ITPR2: variants seen among roughly 807,000 people sequenced by gnomAD.
ITPR2 encodes the protein inositol 1,4,5-trisphosphate receptor type 2.
A neutral mutation model predicts 317.1 loss-of-function variants in ITPR2; 207 were observed. That is an observed-to-expected ratio of 0.65 (90% CI 0.58 to 0.73). The LOEUF is 0.73. ITPR2 is among the 30% of genes least tolerant of loss of function. The pLI is 0.00. For missense variants in ITPR2, 2,613 were observed against 3,284.0 expected, an observed-to-expected ratio of 0.80 and a Z score of 4.99; for synonymous variants, 1,156 against 1,149.1, an observed-to-expected ratio of 1.01 and a Z score of -0.12.
intron 1 of ITPR2, among the ~76,000 whole-genome samples, chr12:26,811,036 C>CAAAA (rs79796097): frequency 3.7e-5 from 4 of 108,310 alleles, no homozygotes; most frequent in African/African-American, 1.2e-4. Context: ...TTTTAAGTTA[C>CAAAA]AAAAAAAAAA....
At chr12:26,792,597 T>A (rs890248802) in intron 1 of ITPR2, among the ~76,000 whole-genome samples, 1 of 152,070 alleles carries the variant, frequency 6.6e-6, no homozygotes, top group Non-Finnish European at 1.5e-5. Flanking sequence ...AGTCTTCCAA[T>A]AAATTTTAAG....
intron 2 of ITPR2, among the ~76,000 whole-genome samples, chr12:26,766,067 C>T (rs1358132107): frequency 2.6e-5 from 4 of 152,100 alleles, no homozygotes; most frequent in South Asian, 4.1e-4. Flanking sequence ...TGGGTTGTTT[C>T]CACTTCGAGC....
intron 11 of ITPR2, among the ~76,000 whole-genome samples, chr12:26,684,417 A>C (rs553606593): frequency 2.6e-4 from 39 of 152,238 alleles, no homozygotes; most frequent in Non-Finnish European, 5.6e-4. Context: ...TCTAATTTAC[A>C]GTCAGCTTGA....
At chr12:26,516,647 T>C (rs79958559) in intron 37 of ITPR2, among the ~76,000 whole-genome samples, 1 of 152,258 alleles carries the variant, frequency 6.6e-6, no homozygotes, top group Non-Finnish European at 1.5e-5. Context: ...CTTTTTAACA[T>C]GATGAAATCA....
rs551561912 is a variant in ITPR2 at position 26,663,957 on chromosome 12, TTAGAG to T, written c.1552-116_1552-112del. 162 of 1,021,710 alleles carry T rather than the reference TTAGAG, an allele frequency of 1.6e-4. No homozygotes were observed. The African/African-American group carries it at 2.1e-3, about 13-fold the overall frequency. 63.3% of individuals were successfully genotyped at this position (1,021,710 alleles called of 1,614,324 possible). On this transcript the variant is annotated intron_variant, in intron 14 of 56. Transcript: ENST00000381340. ...AAAAACACTTATATAAATTTGAGTATTAGAGTAAACGGGAAAAACAAAAGGATTTA... is the reference window on the plus strand; with the variant it reads ...AAAAACACTTATATAAATTTGAGTATTAAACGGGAAAAACAAAAGGATTTA...
At chr12:26,466,828 C>T (rs940892200) in intron 45 of ITPR2, among the ~76,000 whole-genome samples, 1 of 152,126 alleles carries the variant, frequency 6.6e-6, no homozygotes, top group African/African-American at 2.4e-5. Context: ...AACATTCTAG[C>T]CAACATATTA....
intron 45 of ITPR2, among the ~76,000 whole-genome samples, chr12:26,471,603 AG>A (rs1240590291): frequency 2.0e-5 from 3 of 152,188 alleles, no homozygotes; most frequent in Non-Finnish European, 4.4e-5. Flanking sequence ...ACCACAGGAA[AG>A]GCCAAAAGAG....
At chr12:26,707,478 C>T (rs1225190515) in intron 9 of ITPR2, among the ~76,000 whole-genome samples, 3 of 152,278 alleles carry the variant, frequency 2.0e-5, no homozygotes, top group Non-Finnish European at 2.9e-5. Context: ...AGAGAACCCC[C>T]GTCCTACTTG....
In ITPR2 at chr12:26,346,917, A is replaced by T. The variant is rs549723306; in HGVS notation, c.7858-6589T>A. Among the ~76,000 whole-genome samples, 12 of 152,290 alleles carry T rather than the reference A, an allele frequency of 7.9e-5. No homozygotes were observed. The South Asian group carries it at 2.5e-3, about 32-fold the overall frequency. ...TGAGCTATGATGTAAAGACAGCTTA[A>T]AAAAACAAATTGTTGAGAGAAGATT... is the stretch of plus-strand genomic sequence containing the variant. On this transcript the variant is annotated intron_variant, in intron 55 of 56. Coordinates refer to ENST00000381340, the MANE Select transcript of ITPR2 (RefSeq NM_002223.4).
chr12:26,829,292 C>A (rs950089960), intron 1 of ITPR2, among the ~76,000 whole-genome samples: 10 of 152,010 alleles, frequency 6.6e-5, no homozygotes, highest in Admixed American at 2.0e-4. Context: ...TATTTTTATG[C>A]ATCATAAAAA....
intron 13 of ITPR2, among the ~76,000 whole-genome samples, chr12:26,681,261 T>C (rs1054114444): frequency 6.6e-6 from 1 of 152,222 alleles, no homozygotes; most frequent in Non-Finnish European, 1.5e-5. Context: ...ATTTGAAGGA[T>C]TACATAAAAT....
chr12:26,696,654 T>C (rs913552473), intron 9 of ITPR2, among the ~76,000 whole-genome samples: 1 of 152,168 alleles, frequency 6.6e-6, no homozygotes, highest in Non-Finnish European at 1.5e-5. Flanking sequence ...CTGATGCTAA[T>C]TATAAAGTAG....
chr12:26,548,341 AATGG>A (rs1418151430), intron 37 of ITPR2, among the ~76,000 whole-genome samples: 1 of 152,118 alleles, frequency 6.6e-6, no homozygotes, highest in African/African-American at 2.4e-5. Flanking sequence ...TCCGGAGGCT[AATGG>A]ATGAAGACAG....
intron 45 of ITPR2, among the ~76,000 whole-genome samples, chr12:26,446,730 C>A (rs535719604): frequency 2.0e-4 from 3 of 14,724 alleles, no homozygotes; most frequent in African/African-American, 1.6e-4. Context: ...CTAAAAGGGA[C>A]TCAAAAAAAA....
chr12:26,506,751 C>T (rs1591838673), intron 37 of ITPR2, among the ~76,000 whole-genome samples: 1 of 152,050 alleles, frequency 6.6e-6, no homozygotes, highest in South Asian at 2.1e-4. Flanking sequence ...CCAGGTTATC[C>T]CCCTGCTACA....
intron 52 of ITPR2, among the ~76,000 whole-genome samples, chr12:26,410,907 C>T (rs1344081983): frequency 6.6e-6 from 1 of 152,138 alleles, no homozygotes; most frequent in Non-Finnish European, 1.5e-5. Context: ...AGGAAATTTG[C>T]ATAACTTGTC....
In ITPR2 at chr12:26,596,967, A is replaced by G. The variant is rs748076022; in HGVS notation, c.4170T>C (p.Asn1390=). The G allele has an allele frequency of 2.0e-5, 33 of 1,612,406 alleles. No homozygotes were observed. In the East Asian group the frequency reaches 6.7e-4, roughly 33 times the overall value. ...AATTACACTTGATTTCAGTGTAGAC[A>G]TTTTTCCCCTCTGTGCATGCTGCCA... is the stretch of plus-strand genomic sequence containing the variant. ...ELLAACTEGK[N]VYTEIKCNSL... Residue 1390 remains asparagine, a synonymous_variant, in exon 31 of 57, where the codon AAT becomes AAC. Coordinates refer to ENST00000381340, the MANE Select transcript of ITPR2 (RefSeq NM_002223.4).
chr12:26,599,664 C>T (rs961545856), intron 29 of ITPR2, among the ~76,000 whole-genome samples: 3 of 152,072 alleles, frequency 2.0e-5, no homozygotes, highest in African/African-American at 7.2e-5. Flanking sequence ...CAGACAAGGG[C>T]AAACTCCACC....
chr12:26,805,039 A>C (rs1357141929), intron 1 of ITPR2, among the ~76,000 whole-genome samples: 1 of 152,110 alleles, frequency 6.6e-6, no homozygotes, highest in African/African-American at 2.4e-5. Flanking sequence ...CAGGCCAGAG[A>C]TCCCTAATTC....
Sources: allele counts gnomAD v4.1 joint callset (sites outside exome capture counted in the v4.1 genomes callset), GRCh38; gene constraint gnomAD v4.1.1; transcripts MANE v1.5; gene names NCBI Gene and HGNC (gene_info 2026-07-23, HGNC 2026-07-21).